The following ANXA4 variants were observed in gnomAD, a reference collection of about 807,000 sequenced individuals.
The protein encoded by ANXA4 is 35-beta calcimedin.
Under a neutral mutation model 49.8 loss-of-function variants are expected in ANXA4, and 39 were observed. The ratio of observed to expected loss-of-function variants is 0.78; its 90% confidence interval spans 0.61 to 1.02. The LOEUF is 1.02. Among genes scored for constraint, ANXA4 ranks in the 50% least tolerant of loss-of-function variants. ANXA4 has a pLI of 0.00. For missense variants in ANXA4, 360 were observed against 410.1 expected (o/e 0.88, Z 1.05); for synonymous variants, 134 against 152.5 (o/e 0.88, Z 0.89).
chr2:69,793,028 C>T lies in ANXA4; in HGVS notation c.97+4887C>T, dbSNP rs535969088. ...CAGCACTTTGGGAGGCCAAGGCGGG[C>T]GGATCACGAGGTCAGGAGATCGAGA... is the stretch of plus-strand genomic sequence containing the variant. On this transcript the variant is annotated intron_variant, in intron 3 of 12. Coordinates refer to ENST00000394295, the MANE Select transcript of ANXA4 (RefSeq NM_001153.5). Among the ~76,000 whole-genome samples the T allele has an allele frequency of 2.0e-3, 308 of 151,232 alleles. 1 individual carries two copies. The highest frequency in any genetic ancestry group is 3.5e-3 in the Non-Finnish European group (236 of 67,364).
At chr2:69,744,930 T>C (rs1249043351) in intron 1 of ANXA4, among the ~76,000 whole-genome samples, 3 of 151,892 alleles carry the variant, frequency 2.0e-5, no homozygotes, top group African/African-American at 7.3e-5. Context: ...TGAAATGGGG[T>C]TGAATGAACA....
At chr2:69,733,113 G>A (rs909926561) in intron 3 of ANXA4, among the ~76,000 whole-genome samples, 3 of 152,130 alleles carry the variant, frequency 2.0e-5, no homozygotes, top group Admixed American at 1.3e-4. Flanking sequence ...TATTAAAAAC[G>A]CTTGTTCTTG....
intron 2 of ANXA4, among the ~76,000 whole-genome samples, chr2:69,717,779 T>G (rs1198565841): frequency 6.6e-6 from 1 of 152,140 alleles, no homozygotes; most frequent in African/African-American, 2.4e-5. Flanking sequence ...CTCATCCAGT[T>G]TGCTTGTTTC....
Position 69,696,613 on chromosome 2 carries a change from G to C in ANXA4, n.767-24161G>C, listed in dbSNP as rs530166974. 3.9e-5 allele frequency among the ~76,000 whole-genome samples: 6 copies of C among 152,174 alleles called. No individual in the cohort carries two copies. In the South Asian group the frequency reaches 1.2e-3, roughly 32 times the overall value. On this transcript the variant is annotated intron_variant and non_coding_transcript_variant, in intron 2 of 3. Transcript: ENST00000418066. ...ATTTACTTTGCCCAGATCCATCAGA[G>C]GAATCACTATCTATGGCAGCTACAG...
upstream of ANXA4, among the ~76,000 whole-genome samples, chr2:69,741,142 C>G (rs1056506856): frequency 2.6e-5 from 4 of 152,204 alleles, no homozygotes; most frequent in African/African-American, 9.7e-5. Context: ...ACCTCTCCAG[C>G]TTTAAGGGTG....
chr2:69,792,294 T>C lies in ANXA4; in HGVS notation c.97+4153T>C, dbSNP rs1307355017. ...AAAAACCATTCATTAGCCTTTTCTATTCCATGAAAATCCCGTGTTAAGAGA... is the reference window on the plus strand; with the variant it reads ...AAAAACCATTCATTAGCCTTTTCTACTCCATGAAAATCCCGTGTTAAGAGA... On this transcript the variant is annotated intron_variant, in intron 3 of 12. Transcript: ENST00000394295. Among the ~76,000 whole-genome samples, 5 of 152,364 alleles carry C rather than the reference T, an allele frequency of 3.3e-5. No individual in the cohort carries two copies. In the East Asian group the frequency reaches 7.7e-4, roughly 23 times the overall value.
intron 2 of ANXA4, among the ~76,000 whole-genome samples, chr2:69,784,409 G>C (rs1221685966): frequency 6.6e-6 from 1 of 152,156 alleles, no homozygotes; most frequent in Non-Finnish European, 1.5e-5. Context: ...GTGTTTGAGT[G>C]CCATCCAAAA....
At chr2:69,802,128 G>A (rs1673225351) in intron 3 of ANXA4, among the ~76,000 whole-genome samples, 1 of 152,166 alleles carries the variant, frequency 6.6e-6, no homozygotes, top group African/African-American at 2.4e-5. Context: ...AGTGCCTAAA[G>A]TAAATCCAGC....
At chr2:69,708,833 A>C (rs1678585893) in intron 2 of ANXA4, among the ~76,000 whole-genome samples, 1 of 152,088 alleles carries the variant, frequency 6.6e-6, no homozygotes, top group African/African-American at 2.4e-5. Context: ...CCTGGTCAAC[A>C]TGGTGAAACC....
chr2:69,679,113 G>A (rs1014972589), intron 2 of ANXA4, among the ~76,000 whole-genome samples: 1 of 151,858 alleles, frequency 6.6e-6, no homozygotes, highest in African/African-American at 2.4e-5. Flanking sequence ...GTAATATTTT[G>A]TGGTTTTTTA....
chr2:69,696,278 G>T (rs1006906424), intron 2 of ANXA4, among the ~76,000 whole-genome samples: 1 of 152,176 alleles, frequency 6.6e-6, no homozygotes, highest in Non-Finnish European at 1.5e-5. Context: ...ACCAGAAGCA[G>T]CTTCCATCTC....
intron 1 of ANXA4, among the ~76,000 whole-genome samples, chr2:69,652,076 A>G (rs1396785171): frequency 6.6e-6 from 1 of 152,000 alleles, no homozygotes; most frequent in Non-Finnish European, 1.5e-5. Flanking sequence ...GCAGTGGCAC[A>G]ATCTCAGCTC....
chr2:69,644,524 C>T (rs1243753003), exon 1 of ANXA4: 1 of 152,222 alleles, frequency 6.6e-6, no homozygotes, highest in Non-Finnish European at 1.5e-5. Flanking sequence ...GAGCTAGGCG[C>T]TGTGAGAACG....
chr2:69,777,159 G>A (rs1164140213), intron 1 of ANXA4, among the ~76,000 whole-genome samples: 3 of 152,170 alleles, frequency 2.0e-5, no homozygotes, highest in Non-Finnish European at 4.4e-5. Flanking sequence ...CGTCTTCCCA[G>A]CACCTCCATA....
At chr2:69,770,929 T>A (rs1671682640) in intron 1 of ANXA4, among the ~76,000 whole-genome samples, 4 of 131,586 alleles carry the variant, frequency 3.0e-5, no homozygotes, top group African/African-American at 1.1e-4. Flanking sequence ...TCTAGAAAAT[T>A]TAAAAAAAAA....
intron 1 of ANXA4, among the ~76,000 whole-genome samples, chr2:69,759,109 G>A (rs1451208178): frequency 4.3e-4 from 58 of 135,100 alleles, no homozygotes; most frequent in Non-Finnish European, 8.4e-4. Flanking sequence ...GCACTCCAGC[G>A]ACAGAGAGAG....
At position 69,666,056 on chromosome 2, in the gene ANXA4, T is replaced by G. The variant is rs185321277; in HGVS notation, n.766+12774T>G. On this transcript the variant is annotated intron_variant and non_coding_transcript_variant, in intron 2 of 3. Transcript: ENST00000418066. ...TGTCTCTACAAAAAATACAAAAAAA[T>G]AGCGGGGCGTGGTGGTGGGCACCTG... 4.2e-4 allele frequency among the ~76,000 whole-genome samples: 64 copies of G among 152,014 alleles called. 1 individual carries two copies. The highest frequency in any genetic ancestry group is 1.5e-3 in the African/African-American group (62 of 41,480).
intron 1 of ANXA4, among the ~76,000 whole-genome samples, chr2:69,765,599 C>T (rs1483186859): frequency 6.6e-6 from 1 of 152,202 alleles, no homozygotes; most frequent in East Asian, 1.9e-4. Context: ...CAGACAACCA[C>T]TTTTGCACTT....
At chr2:69,803,783 C>CA (rs986400010) in intron 3 of ANXA4, among the ~76,000 whole-genome samples, 49 of 148,352 alleles carry the variant, frequency 3.3e-4, no homozygotes, top group Middle Eastern at 3.4e-3. Flanking sequence ...AAGATAAAAA[C>CA]AAAAAAAAAG....
Sources: allele counts gnomAD v4.1 joint callset (sites outside exome capture counted in the v4.1 genomes callset), GRCh38; gene constraint gnomAD v4.1.1; transcripts MANE v1.5; gene names NCBI Gene and HGNC (gene_info 2026-07-23, HGNC 2026-07-21).